The following MAPKAP1 variants were observed in gnomAD, a reference collection of about 807,000 sequenced individuals.
MAPKAP1 encodes target of rapamycin complex 2 subunit MAPKAP1.
In MAPKAP1, 20 loss-of-function variants were observed where a neutral mutation model predicts 65.7. That is an observed-to-expected ratio of 0.30 (90% CI 0.21 to 0.44). The LOEUF is 0.44. MAPKAP1 is among the 20% of genes least tolerant of loss of function. The probability of loss-of-function intolerance (pLI) is 1.00; values close to 1 mark genes in which losing one functional copy is unlikely to be tolerated. For missense variants in MAPKAP1, 423 were observed against 648.0 expected (o/e 0.65, Z 3.77); for synonymous variants, 222 against 244.3 (o/e 0.91, Z 0.85).
At chr9:125,645,977 G>T (rs12344453) in intron 4 of MAPKAP1, among the ~76,000 whole-genome samples, 8,002 of 152,108 alleles carry the variant, frequency 0.053, 443 homozygotes, top group Admixed American at 0.11. Context: ...AGATAATTGT[G>T]ATAAAACAAA....
At chr9:125,557,351 A>C (rs1446100149) in intron 6 of MAPKAP1, among the ~76,000 whole-genome samples, 2 of 152,224 alleles carry the variant, frequency 1.3e-5, no homozygotes, top group African/African-American at 4.8e-5. Flanking sequence ...TTCTAGTCAT[A>C]TTAATAATCA....
intron 4 of MAPKAP1, among the ~76,000 whole-genome samples, chr9:125,640,931 A>T (rs1833559499): frequency 6.6e-6 from 1 of 152,254 alleles, no homozygotes; most frequent in African/African-American, 2.4e-5. Context: ...TTCTTTTAAT[A>T]CATGTGGTTC....
chr9:125,647,936 T>A (rs1194880437), intron 4 of MAPKAP1, among the ~76,000 whole-genome samples: 24 of 35,654 alleles, frequency 6.7e-4, no homozygotes, highest in African/African-American at 1.6e-3. Context: ...CCCAATATCT[T>A]TTTTTTTTTT....
rs188810558 is a variant in MAPKAP1, at chr9:125,458,840, G to T, written c.1345+9132C>A. On this transcript the variant is annotated intron_variant, in intron 10 of 11. Coordinates refer to ENST00000265960, the MANE Select transcript of MAPKAP1 (RefSeq NM_001006617.3). ...TCCCGGACGGGGCGGCTGGCCGGGT[G>T]GGGGGCTGACCCCCCCTACCTCCCT... Among the ~76,000 whole-genome samples, 4 of 55,468 alleles carry T rather than the reference G, an allele frequency of 7.2e-5. No homozygotes were observed. In the East Asian group the frequency reaches 2.1e-3, roughly 30 times the overall value. 36.4% of individuals were successfully genotyped at this position (55,468 alleles called of 152,430 possible).
chr9:125,516,257 T>C (rs942873654), intron 7 of MAPKAP1, among the ~76,000 whole-genome samples: 2 of 152,196 alleles, frequency 1.3e-5, no homozygotes, highest in Admixed American at 6.5e-5. Flanking sequence ...CCATTATTGA[T>C]AGGACAGCAA....
intron 10 of MAPKAP1, among the ~76,000 whole-genome samples, chr9:125,445,680 G>A (rs759682751): frequency 1.3e-5 from 2 of 152,260 alleles, no homozygotes; most frequent in African/African-American, 2.4e-5. Flanking sequence ...GTCTAAACTG[G>A]CACAAGGACT....
Position 125,439,885 on chromosome 9 carries a change from G to A in MAPKAP1, c.1444-873C>T, listed in dbSNP as rs1490544164. On this transcript the variant is annotated intron_variant, in intron 11 of 11. Transcript: ENST00000265960. The surrounding 1 kb of genome is among the most constrained non-coding windows in gnomAD (Gnocchi z 4.0). The stretch of plus-strand genomic sequence containing the variant: ...CAGGCAAAGAGGAGCATCAAGGAAT[G>A]GGGCTGAGTATCAGGGAGGTGTGGA... 6.6e-6 allele frequency among the ~76,000 whole-genome samples: 1 copy of A among 152,278 alleles called. No individual in the cohort carries two copies. Among genetic ancestry groups the A allele is most frequent in the Non-Finnish European group, 1.5e-5 (1 of 68,052 alleles).
At chr9:125,652,188 G>A (rs1184601691) in intron 4 of MAPKAP1, 6 of 1,321,602 alleles carry the variant, frequency 4.5e-6, no homozygotes, top group African/African-American at 4.5e-5. Flanking sequence ...TTTCTTTGAA[G>A]AGAGCTATTT....
chr9:125,442,536 TAAAAAAA>T (rs11450537), intron 11 of MAPKAP1, among the ~76,000 whole-genome samples: 5 of 137,230 alleles, frequency 3.6e-5, no homozygotes, highest in South Asian at 2.3e-4. Flanking sequence ...ATGCTGGCTA[TAAAAAAA>T]AAAAAAAAAA....
At chr9:125,547,361 G>T (rs117199236) in intron 6 of MAPKAP1, among the ~76,000 whole-genome samples, 3,744 of 152,264 alleles carry the variant, frequency 0.025, 79 homozygotes, top group South Asian at 0.057. Context: ...AAGGGCATAG[G>T]CTGGGGGTTA....
At chr9:125,586,075 T>TGGCAACTGTCTCATTGTCCTTGAGACAA (rs1831775272) in intron 4 of MAPKAP1, among the ~76,000 whole-genome samples, 2 of 152,118 alleles carry the variant, frequency 1.3e-5, no homozygotes, top group Non-Finnish European at 2.9e-5. Flanking sequence ...GGTGCCTCTC[T>TGGCAACTGTCTCATTGTCCTTGAGACAA]GGCAACTGTC....
chr9:125,517,284 A>G (rs187732622), intron 7 of MAPKAP1, among the ~76,000 whole-genome samples: 34 of 152,270 alleles, frequency 2.2e-4, no homozygotes, highest in Non-Finnish European at 4.1e-4. Context: ...GCAGCAGGGA[A>G]GAGTAGGAAG....
chr9:125,596,614 G>A, intron 4 of MAPKAP1: 1 of 660,772 alleles, frequency 1.5e-6, no homozygotes, highest in Admixed American at 1.8e-5. Context: ...CTACAGCAGT[G>A]GCAGAAGATT....
In MAPKAP1 at chr9:125,439,909, G is replaced by A. The variant is rs556436910; in HGVS notation, c.1444-897C>T. 5.9e-5 allele frequency among the ~76,000 whole-genome samples: 9 copies of A among 152,362 alleles called. No homozygotes were observed. In the South Asian group the frequency reaches 1.9e-3, roughly 32 times the overall value. ...TGGGGCTGAGTATCAGGGAGGTGTGGAGGAGGGAAGGCTTCCAGAGGAAAA... is the reference window on the plus strand; with the variant it reads ...TGGGGCTGAGTATCAGGGAGGTGTGAAGGAGGGAAGGCTTCCAGAGGAAAA... On this transcript the variant is annotated intron_variant, in intron 11 of 11. Coordinates refer to ENST00000265960, the MANE Select transcript of MAPKAP1 (RefSeq NM_001006617.3). The surrounding 1 kb of genome is among the most constrained non-coding windows in gnomAD (Gnocchi z 4.0).
At chr9:125,706,850 C>A (rs1192855093) in intron 1 of MAPKAP1, 121 bp downstream of exon 1, 3 of 345,942 alleles carry the variant, frequency 8.7e-6, no homozygotes, top group Non-Finnish European at 1.6e-5. Flanking sequence ...GCCACCTGAA[C>A]AAGGGCCCGG....
At chr9:125,629,927 A>G (rs1394425262) in intron 4 of MAPKAP1, among the ~76,000 whole-genome samples, 1 of 152,182 alleles carries the variant, frequency 6.6e-6, no homozygotes, top group Non-Finnish European at 1.5e-5. Context: ...TAAACACACA[A>G]TTTATAAACA....
Position 125,700,543 on chromosome 9 carries a change from C to T in MAPKAP1, c.-70+6428G>A, listed in dbSNP as rs151028895. ...TACCTTCTTGTTCTTTCTAGAGTTT[C>T]GGGTTTGTTTTTTAAGTGGTTTCTC... On this transcript the variant is annotated intron_variant, in intron 1 of 11. Transcript: ENST00000265960. 7.5e-3 allele frequency among the ~76,000 whole-genome samples: 1,137 copies of T among 152,160 alleles called. 9 individuals are homozygous for T. Among genetic ancestry groups the T allele is most frequent in the Non-Finnish European group, 0.013 (865 of 67,986 alleles).
chr9:125,553,920 C>T (rs1166551936), intron 6 of MAPKAP1, among the ~76,000 whole-genome samples: 1 of 151,104 alleles, frequency 6.6e-6, no homozygotes, highest in Non-Finnish European at 1.5e-5. Flanking sequence ...GCCTGTAGTC[C>T]CAGCTACTTG....
intron 1 of MAPKAP1, among the ~76,000 whole-genome samples, chr9:125,695,476 C>A (rs1436025873): frequency 6.6e-6 from 1 of 152,138 alleles, no homozygotes; most frequent in Non-Finnish European, 1.5e-5. Flanking sequence ...GAACAGATGA[C>A]AAAGTGCTGT....
Sources: gnomAD v4.1 joint callset for allele counts (sites outside exome capture counted in the v4.1 genomes callset) on GRCh38, gnomAD v4.1.1 for gene constraint, Gnocchi (gnomAD v3.1) non-coding constraint, MANE v1.5 for transcripts, NCBI Gene and HGNC (gene_info 2026-07-23, HGNC 2026-07-21) for gene names.